DIP2C: variants seen among roughly 807,000 people sequenced by gnomAD.
DIP2C encodes DIP2 acetate--CoA ligase C (putative).
A neutral mutation model predicts 192.4 loss-of-function variants in DIP2C; 33 were observed. The ratio of observed to expected loss-of-function variants is 0.17; its 90% CI spans 0.13 to 0.23. DIP2C has a LOEUF of 0.23. Among genes scored for constraint, DIP2C ranks in the 10% least tolerant of loss-of-function variants. DIP2C has a pLI of 1.00. For missense variants in DIP2C, 1,537 were observed against 2,110.1 expected (o/e 0.73, Z 5.32); for synonymous variants, 979 against 864.1 (o/e 1.13, Z -2.33).
chr10:417,900 G>C lies in DIP2C; in HGVS notation c.739+1165C>G, dbSNP rs200349720. On this transcript the variant is annotated intron_variant, in intron 6 of 36. Coordinates refer to ENST00000280886, the MANE Select transcript of DIP2C (RefSeq NM_014974.3). ...TGTCCACCTGCACCTGTCAGGGCTCGGATAGGCCTCCCTGTCCACCTGTTC... is the reference window on the plus strand; with the variant it reads ...TGTCCACCTGCACCTGTCAGGGCTCCGATAGGCCTCCCTGTCCACCTGTTC... 1.2e-3 allele frequency among the ~76,000 whole-genome samples: 76 copies of C among 63,414 alleles called. 8 individuals are homozygous for C. The highest frequency in any genetic ancestry group is 1.9e-3 in the South Asian group (3 of 1,566). 41.6% of individuals were successfully genotyped at this position (63,414 alleles called of 152,430 possible).
At chr10:280,147 A>G (rs181975459) in intron 36 of DIP2C, among the ~76,000 whole-genome samples, 41 of 152,318 alleles carry the variant, frequency 2.7e-4, no homozygotes, top group Non-Finnish European at 4.4e-5. Context: ...AGCCAACTTG[A>G]GCCACACGAA....
chr10:456,381 C>T (rs1341488937), intron 3 of DIP2C, among the ~76,000 whole-genome samples: 1 of 141,200 alleles, frequency 7.1e-6, no homozygotes, highest in Admixed American at 6.9e-5. Flanking sequence ...TGAGAACACT[C>T]TGCAGTGAGT....
intron 4 of DIP2C, among the ~76,000 whole-genome samples, chr10:427,729 T>A (rs892696834): frequency 1.3e-5 from 2 of 152,202 alleles, no homozygotes; most frequent in African/African-American, 4.8e-5. Context: ...TCACATCAAT[T>A]AGAATGGCAA....
At chr10:532,709 G>A (rs1311294324) in intron 1 of DIP2C, among the ~76,000 whole-genome samples, 2 of 108,968 alleles carry the variant, frequency 1.8e-5, no homozygotes, top group Non-Finnish European at 4.3e-5. Context: ...GTGTGAGAGA[G>A]AGTATGGGTG....
At position 582,644 on chromosome 10, in the gene DIP2C, G is replaced by A. The variant is rs183101020; in HGVS notation, c.86-96114C>T. Among the ~76,000 whole-genome samples, 27 of 152,298 alleles carry A rather than the reference G, an allele frequency of 1.8e-4. No individual in the cohort carries two copies. The East Asian group carries it at 2.1e-3, about 12-fold the overall frequency. ...GATGCGTTTAGGTGGAGGAAACACC[G>A]CAGAAGACTAGAGAATGGTGTGATA... On this transcript the variant is annotated intron_variant, in intron 1 of 36. Coordinates refer to ENST00000280886, the MANE Select transcript of DIP2C (RefSeq NM_014974.3).
intron 2 of DIP2C, chr10:484,763 C>A: frequency 6.2e-7 from 1 of 1,608,372 alleles, no homozygotes. Context: ...GGCTGGCTCT[C>A]AGCAAAGCAG....
At chr10:542,737 G>A (rs909203579) in intron 1 of DIP2C, among the ~76,000 whole-genome samples, 26 of 143,592 alleles carry the variant, frequency 1.8e-4, no homozygotes, top group African/African-American at 4.2e-4. Flanking sequence ...AGTTCTTATC[G>A]GATTGGGGAG....
At chr10:373,394 T>A (rs897302982) in intron 17 of DIP2C, among the ~76,000 whole-genome samples, 1 of 152,212 alleles carries the variant, frequency 6.6e-6, no homozygotes, top group African/African-American at 2.4e-5. Context: ...CAGTTAAGTA[T>A]AAAATATGTA....
At chr10:408,307 T>TCTCTAAGCCAGTAC (rs1334928822) in intron 9 of DIP2C, among the ~76,000 whole-genome samples, 1 of 151,514 alleles carries the variant, frequency 6.6e-6, no homozygotes, top group Admixed American at 6.6e-5. Flanking sequence ...TATGTGTCTG[T>TCTCTAAGCCAGTAC]CTCTAAGCCA....
intron 24 of DIP2C, among the ~76,000 whole-genome samples, chr10:352,909 G>T (rs530562135): frequency 3.1e-4 from 47 of 152,222 alleles, no homozygotes; most frequent in African/African-American, 9.6e-4. Flanking sequence ...AGAAATGCCA[G>T]TAACTTTTGC....
rs890794685 is a variant in DIP2C, at chr10:275,210, T to C, written c.*2115A>G. The C allele has an allele frequency of 3.9e-5, 6 of 152,248 alleles. No individual in the cohort carries two copies. The highest frequency in any genetic ancestry group is 5.9e-5 in the Non-Finnish European group (4 of 68,042). The allele number at this position is 152,248 out of a possible 1,614,324, so 9.4% of individuals were successfully genotyped here. A position where few individuals can be genotyped will look rare whatever the true frequency, so the allele number is the denominator to read the frequency against. ...AAGCTGTCCTGCACACTGCAGCTAA[T>C]GTTTCATAGTCAGTGCCTGGCCTGA... On this transcript the variant is annotated 3_prime_UTR_variant, in exon 37 of 37. Transcript: ENST00000280886.
chr10:387,957 T>C, intron 13 of DIP2C, 148 bp from the exon 14 acceptor site: 1 of 913,598 alleles, frequency 1.1e-6, no homozygotes, highest in Non-Finnish European at 1.7e-6. Flanking sequence ...TTCTGTAGAC[T>C]CCAAGTAGGC....
chr10:486,591 C>A (rs778631221), intron 1 of DIP2C, 61 bp from the exon 2 acceptor site: 5 of 1,413,824 alleles, frequency 3.5e-6, no homozygotes, highest in African/African-American at 1.5e-5. Context: ...TATCATTCAA[C>A]GGTGCCCAAG....
At chr10:451,844 G>T (rs539753101) in intron 3 of DIP2C, among the ~76,000 whole-genome samples, 1 of 152,328 alleles carries the variant, frequency 6.6e-6, no homozygotes, top group African/African-American at 2.4e-5. Context: ...GGTACATCTT[G>T]AAGAAATGCG....
At chr10:472,349 G>C (rs746666369) in intron 3 of DIP2C, 90 bp downstream of exon 3, 188 of 1,236,956 alleles carry the variant, frequency 1.5e-4, no homozygotes, top group Non-Finnish European at 2.1e-4. Context: ...CACGCCCACT[G>C]CACTTCTGCC....
At chr10:520,250 G>A (rs1195608902) in intron 1 of DIP2C, among the ~76,000 whole-genome samples, 3 of 152,092 alleles carry the variant, frequency 2.0e-5, no homozygotes, top group African/African-American at 7.2e-5. Context: ...AGCAGGGAGG[G>A]CCGCGCTCTG....
intron 1 of DIP2C, among the ~76,000 whole-genome samples, chr10:501,464 T>C (rs1195976431): frequency 1.3e-5 from 2 of 152,152 alleles, no homozygotes; most frequent in Admixed American, 1.3e-4. Context: ...CACATATGTA[T>C]TCAAGGATTT....
intron 1 of DIP2C, among the ~76,000 whole-genome samples, chr10:674,771 A>T (rs1048800392): frequency 3.6e-5 from 1 of 27,702 alleles, no homozygotes; most frequent in Non-Finnish European, 5.9e-5. Context: ...CTCCATCTCA[A>T]ATATATATAT....
intron 1 of DIP2C, among the ~76,000 whole-genome samples, chr10:612,472 A>C (rs1853162985): frequency 6.6e-6 from 1 of 152,258 alleles, no homozygotes; most frequent in African/African-American, 2.4e-5. Flanking sequence ...AGCACAGTTA[A>C]GGAAATTTTA....
Sources: allele counts gnomAD v4.1 joint callset (sites outside exome capture counted in the v4.1 genomes callset), GRCh38; gene constraint gnomAD v4.1.1; transcripts MANE v1.5; gene names NCBI Gene and HGNC (gene_info 2026-07-23, HGNC 2026-07-21).